The following GPHN variants were observed in gnomAD, a reference collection of about 807,000 sequenced individuals.
GPHN encodes the protein gephyrin.
In GPHN, 17 loss-of-function variants were observed where a neutral mutation model predicts 95.5. That is an observed-to-expected ratio of 0.18 (90% CI 0.12 to 0.27). The LOEUF (loss-of-function observed/expected upper bound fraction) is 0.27. Ranked by LOEUF, GPHN falls within the 10% of genes least tolerant of loss-of-function variation. The pLI, the probability that GPHN is intolerant of heterozygous loss-of-function variation, is 1.00. For synonymous variants in GPHN, 320 were observed against 322.5 expected (o/e 0.99, Z 0.08); for missense variants, 660 against 978.1 (o/e 0.67, Z 4.34).
At chr14:66,941,433 C>A (rs1219921525) in intron 8 of GPHN, among the ~76,000 whole-genome samples, 1 of 152,062 alleles carries the variant, frequency 6.6e-6, no homozygotes, top group Non-Finnish European at 1.5e-5. Context: ...TAAAGTGAAG[C>A]CCAGCCATGG....
At chr14:66,744,657 C>A (rs1320435024) in intron 2 of GPHN, among the ~76,000 whole-genome samples, 1 of 152,154 alleles carries the variant, frequency 6.6e-6, no homozygotes, top group African/African-American at 2.4e-5. Flanking sequence ...TAATTGAGTG[C>A]ATTTTCAGAA....
chr14:67,279,381 G>C, the GPHN span: 462 of 1,613,740 alleles, frequency 2.9e-4, no homozygotes, highest in African/African-American at 5.6e-3. Flanking sequence ...GCGTAGGAGA[G>C]AGGAAGAAGG....
At position 66,621,147 on chromosome 14, in the gene GPHN, TTG is replaced by T. The variant is rs1407659431; in HGVS notation, c.65-59958_65-59957del. On this transcript the variant is annotated intron_variant, in intron 1 of 22. Coordinates refer to ENST00000478722, the MANE Select transcript of GPHN (RefSeq NM_020806.5). ...GCCCAGCCAATTTTTTTTTTTTTTTTTGTATTTTTAGTAGAGATGGGGTTTCA... is the reference window on the plus strand; with the variant it reads ...GCCCAGCCAATTTTTTTTTTTTTTTTTATTTTTAGTAGAGATGGGGTTTCA... 2.6e-3 allele frequency among the ~76,000 whole-genome samples: 371 copies of T among 142,150 alleles called. 4 individuals are homozygous for T. Among genetic ancestry groups the T allele is most frequent in the African/African-American group, 9.7e-3 (345 of 35,574 alleles). 93.3% of individuals were successfully genotyped at this position (142,150 alleles called of 152,430 possible). A position where few individuals can be genotyped will look rare whatever the true frequency, so the allele number is the denominator to read the frequency against.
intron 10 of GPHN, among the ~76,000 whole-genome samples, chr14:67,052,133 A>G (rs1462500193): frequency 1.3e-5 from 2 of 152,208 alleles, no homozygotes; most frequent in Non-Finnish European, 2.9e-5. Flanking sequence ...TAAATGAGCT[A>G]AATGCCTCCA....
intron 5 of GPHN, among the ~76,000 whole-genome samples, chr14:66,891,058 A>T (rs147856491): frequency 0.012 from 1,831 of 152,266 alleles, 18 homozygotes; most frequent in Non-Finnish European, 0.018. Flanking sequence ...TCCATTCAAC[A>T]TAGTATTGGA....
the GPHN span, among the ~76,000 whole-genome samples, chr14:67,406,700 G>A: frequency 6.6e-6 from 1 of 152,220 alleles, no homozygotes; most frequent in Non-Finnish European, 1.5e-5. Context: ...TGAGACTGGA[G>A]TGGGGAGCTC....
chr14:66,839,266 A>T (rs537866818), intron 4 of GPHN, among the ~76,000 whole-genome samples: 18 of 152,378 alleles, frequency 1.2e-4, no homozygotes, highest in Admixed American at 5.2e-4. Context: ...GAAGCAGTCC[A>T]TCATGCTGGA....
intron 13 of GPHN, 54 bp downstream of exon 13, chr14:67,100,965 G>A: frequency 3.8e-6 from 4 of 1,042,834 alleles, no homozygotes; most frequent in South Asian, 2.5e-5. Context: ...TGGACTTTGG[G>A]CATCTAATTC....
intron 2 of GPHN, among the ~76,000 whole-genome samples, chr14:66,695,570 G>A (rs907889939): frequency 1.3e-5 from 2 of 152,192 alleles, no homozygotes; most frequent in Non-Finnish European, 2.9e-5. Context: ...GATTTTTATA[G>A]AAACTTTATA....
chr14:66,517,433 GA>G lies in GPHN; in HGVS notation c.64+8850del, dbSNP rs531597197. ...CAATGACATTCTTCACAGAAATAGG[GA>G]AAAAAAAGTTAAAATTTGTATGGAA... On this transcript the variant is annotated intron_variant, in intron 1 of 22. Transcript: ENST00000478722. Among the ~76,000 whole-genome samples, 11 of 151,898 alleles carry G rather than the reference GA, an allele frequency of 7.2e-5. No homozygotes were observed. The South Asian group carries it at 1.9e-3, about 26-fold the overall frequency.
intron 1 of GPHN, among the ~76,000 whole-genome samples, chr14:66,566,332 TAATCA>T (rs1446257020): frequency 1.3e-5 from 2 of 152,180 alleles, no homozygotes. Flanking sequence ...ATGTTTCCTT[TAATCA>T]AATAGGCTTA....
the GPHN span, among the ~76,000 whole-genome samples, chr14:67,468,880 GT>G: frequency 0.072 from 10,930 of 151,930 alleles, 456 homozygotes; most frequent in African/African-American, 0.091. Context: ...GGGTAATAGA[GT>G]GAGATTCTGT....
In GPHN at chr14:67,164,270, CAAAAAAAAAA is replaced by C. The variant is rs780524695; in HGVS notation, c.1911-878_1911-869del. On this transcript the variant is annotated intron_variant, in intron 19 of 22. Coordinates refer to ENST00000478722, the MANE Select transcript of GPHN (RefSeq NM_020806.5). ...GCGACAAAGAGCAAAACTCCATCTCCAAAAAAAAAAAAAAAAAAAAAAACTGTTAATTTTG... is the reference window on the plus strand; with the variant it reads ...GCGACAAAGAGCAAAACTCCATCTCCAAAAAAAAAAAAACTGTTAATTTTG... 3.0e-4 allele frequency among the ~76,000 whole-genome samples: 14 copies of C among 46,640 alleles called. No homozygotes were observed. The East Asian group carries it at 4.4e-3, about 15-fold the overall frequency. 30.6% of individuals were successfully genotyped at this position (46,640 alleles called of 152,430 possible).
At chr14:67,500,759 G>C in the GPHN span, among the ~76,000 whole-genome samples, 1 of 151,640 alleles carries the variant, frequency 6.6e-6, no homozygotes, top group African/African-American at 2.4e-5. Context: ...TTTTACTAGA[G>C]ACGGGGTTTC....
At chr14:66,707,497 C>T (rs745449439) in intron 2 of GPHN, among the ~76,000 whole-genome samples, 2 of 152,092 alleles carry the variant, frequency 1.3e-5, no homozygotes, top group African/African-American at 2.4e-5. Context: ...ACAGAGAATG[C>T]GATCATGTCC....
chr14:66,923,616 T>G (rs1445148914), intron 7 of GPHN, among the ~76,000 whole-genome samples: 1 of 152,194 alleles, frequency 6.6e-6, no homozygotes, highest in Admixed American at 6.5e-5. Context: ...GAACATGGTT[T>G]ATTCTTCATA....
chr14:67,694,173 C>G, the GPHN span, among the ~76,000 whole-genome samples: 1 of 152,086 alleles, frequency 6.6e-6, no homozygotes, highest in Admixed American at 6.6e-5. Flanking sequence ...TTGAAGCTAC[C>G]TGCATAGTGC....
the GPHN span, among the ~76,000 whole-genome samples, chr14:67,469,664 G>GTGT: frequency 2.6e-5 from 4 of 151,920 alleles, no homozygotes. Context: ...GGTGGTGGTG[G>GTGT]TGGTGGTGGG....
chr14:66,595,023 A>G (rs2061914081), intron 1 of GPHN, among the ~76,000 whole-genome samples: 1 of 152,308 alleles, frequency 6.6e-6, no homozygotes, highest in Admixed American at 6.5e-5. Flanking sequence ...AAGACATATA[A>G]TTGGCCAACA....
Sources: allele counts gnomAD v4.1 joint callset (sites outside exome capture counted in the v4.1 genomes callset), GRCh38; gene constraint gnomAD v4.1.1; transcripts MANE v1.5; gene names NCBI Gene and HGNC (gene_info 2026-07-23, HGNC 2026-07-21).